Variants in CFAP73 observed in about 807,000 individuals in gnomAD.
The protein encoded by CFAP73 is cilia- and flagella-associated protein 73.
CFAP73 carries 33 observed loss-of-function variants against 42.9 expected under a neutral mutation model. That is an observed-to-expected ratio of 0.77 (90% CI 0.58 to 1.03). CFAP73 has a LOEUF of 1.03. Ranked by LOEUF, CFAP73 falls within the 50% of genes least tolerant of loss-of-function variation. The probability of loss-of-function intolerance (pLI) is 0.00; values close to 1 mark genes in which losing one functional copy is unlikely to be tolerated. For synonymous variants in CFAP73, 162 were observed against 186.8 expected, an observed-to-expected ratio of 0.87 and a Z score of 1.08; for missense variants, 392 against 411.9, an observed-to-expected ratio of 0.95 and a Z score of 0.42.
At position 113,154,351 on chromosome 12, in the gene CFAP73, G is replaced by C. The variant is rs916764167; in HGVS notation, c.469-63G>C. ...AATAATAAGGAACGCTGGCGGCCAG[G>C]TGGGATGGAGAGGGTAAGGCACTGC... On this transcript the variant is annotated intron_variant, in intron 4 of 7. Transcript: ENST00000335621. This position sits in a 1 kb window ranked among gnomAD's most constrained non-coding sequence, Gnocchi z 4.7. 5 of 1,517,426 alleles carry C rather than the reference G, an allele frequency of 3.3e-6. No homozygotes were observed. Among genetic ancestry groups the C allele is most frequent in the Non-Finnish European group, 4.5e-6 (5 of 1,122,024 alleles). The allele number at this position is 1,517,426 out of a possible 1,614,324, so 94.0% of individuals were successfully genotyped here.
chr12:113,158,307 G>A lies in CFAP73; in HGVS notation c.*12-394G>A. On this transcript the variant is annotated intron_variant, in intron 7 of 7. Coordinates refer to ENST00000335621, the MANE Select transcript of CFAP73 (RefSeq NM_001144872.3). The surrounding 1 kb of genome is among the most constrained non-coding windows in gnomAD (Gnocchi z 4.9). ...TGCAACCATGTCCAGTGGGAGGAAGGGGGACCAACTCCCGCCTCTGGCACC... is the reference window on the plus strand; with the variant it reads ...TGCAACCATGTCCAGTGGGAGGAAGAGGGACCAACTCCCGCCTCTGGCACC... 1 of 153,398 alleles carries A rather than the reference G, an allele frequency of 6.5e-6. No homozygotes were observed. Among genetic ancestry groups the A allele is most frequent in the Non-Finnish European group, 1.5e-5 (1 of 68,806 alleles). 9.5% of individuals were successfully genotyped at this position (153,398 alleles called of 1,614,324 possible).
intron 6 of CFAP73, chr12:113,156,822 T>C (rs547320720): frequency 1.3e-5 from 2 of 152,200 alleles, no homozygotes; most frequent in Non-Finnish European, 2.9e-5. Flanking sequence ...TAACCGGTTG[T>C]AATTAATTCG....
rs1328034169 is a variant in CFAP73 at position 113,155,526 on chromosome 12, C to T, written c.849+108C>T. On this transcript the variant is annotated intron_variant, in intron 6 of 7. Transcript: ENST00000335621. ...CACCTTCTCTGGGTTAAGCATGGCC[C>T]TCTACGGTCAGAGCCCTTGCCCCAG... 25 of 1,235,592 alleles carry T rather than the reference C, an allele frequency of 2.0e-5. 1 individual carries two copies. The East Asian group carries it at 6.1e-4, about 30-fold the overall frequency. The allele number at this position is 1,235,592 out of a possible 1,614,324, so 76.5% of individuals were successfully genotyped here. A position where few individuals can be genotyped will look rare whatever the true frequency, so the allele number is the denominator to read the frequency against.
chr12:113,154,640 G>C lies in CFAP73; in HGVS notation c.690+5G>C. 1 of 1,395,886 alleles carries C rather than the reference G, an allele frequency of 7.2e-7. No homozygotes were observed. The highest frequency in any genetic ancestry group is 9.2e-7 in the Non-Finnish European group (1 of 1,085,482). The allele number at this position is 1,395,886 out of a possible 1,614,324, so 86.5% of individuals were successfully genotyped here. ...AGGGAGCGTACGCTGCAGTGGGTACGACCCGCCCTAGGTGGGGGGCGCTCC... is the reference window on the plus strand; with the variant it reads ...AGGGAGCGTACGCTGCAGTGGGTACCACCCGCCCTAGGTGGGGGGCGCTCC... On this transcript the variant is annotated splice_donor_5th_base_variant and intron_variant, in intron 5 of 7. Coordinates refer to ENST00000335621, the MANE Select transcript of CFAP73 (RefSeq NM_001144872.3). This position sits in a 1 kb window ranked among gnomAD's most constrained non-coding sequence, Gnocchi z 4.7.
In CFAP73 at chr12:113,159,157, A is replaced by G; in HGVS notation, c.*468A>G. 1.3e-6 allele frequency: 2 copies of G among 1,526,624 alleles called. No individual in the cohort carries two copies. The highest frequency in any genetic ancestry group is 1.8e-6 in the Non-Finnish European group (2 of 1,135,476). The allele number at this position is 1,526,624 out of a possible 1,614,324, so 94.6% of individuals were successfully genotyped here. A position where few individuals can be genotyped will look rare whatever the true frequency, so the allele number is the denominator to read the frequency against. ...AGCTCAGCTGTTGGGATCACTCCCA[A>G]GATCCCCTCCTCCCAGAAGCTTGCA... On this transcript the variant is annotated 3_prime_UTR_variant, in exon 8 of 8. Transcript: ENST00000335621.
intron 7 of CFAP73, chr12:113,157,912 ATG>A (rs1952153286): frequency 1.8e-6 from 1 of 570,800 alleles, no homozygotes; most frequent in Non-Finnish European, 3.1e-6. Context: ...TCAAGGGGCT[ATG>A]TGTGGGGCAA....
chr12:113,153,309 C>T lies in CFAP73; in HGVS notation c.369C>T (p.Leu123=). The T allele has an allele frequency of 1.3e-6, 2 of 1,518,688 alleles. No individual in the cohort carries two copies. The highest frequency in any genetic ancestry group is 1.4e-5 in the African/African-American group (1 of 71,262). 94.1% of individuals were successfully genotyped at this position (1,518,688 alleles called of 1,614,324 possible). A position where few individuals can be genotyped will look rare whatever the true frequency, so the allele number is the denominator to read the frequency against. ...EVEALRLWTQ[L]QELRREHARL... is the part of the protein sequence containing the mutation. Reference sequence around the variant, plus strand: ...AGGCGCTGCGTCTGTGGACCCAGCTCCAGGAGCTACGGCGGGAACACGCGC... The same window carrying T: ...AGGCGCTGCGTCTGTGGACCCAGCTTCAGGAGCTACGGCGGGAACACGCGC... Residue 123 remains leucine, a synonymous_variant, in exon 4 of 8, where the codon CTC becomes CTT. Coordinates refer to ENST00000335621, the MANE Select transcript of CFAP73 (RefSeq NM_001144872.3).
In CFAP73 at chr12:113,149,891, G is replaced by GC. The variant is rs1952046979; in HGVS notation, c.35dup (p.Leu13PhefsTer14). On this transcript the variant is annotated frameshift_variant, in exon 1 of 8. Transcript: ENST00000335621. LOFTEE classifies it high-confidence loss of function. ...GCCCTGGGAGGAATATTTCCGACTG[G>GC]CTTTGCAAGAGAAACTGTCTACGTG... 1.9e-6 allele frequency: 3 copies of GC among 1,551,552 alleles called. No homozygotes were observed. The highest frequency in any genetic ancestry group is 2.6e-6 in the Non-Finnish European group (3 of 1,146,970).
Position 113,149,778 on chromosome 12 carries a change from C to A in CFAP73, c.-80C>A. The A allele has an allele frequency of 6.9e-7, 1 of 1,442,590 alleles. No individual in the cohort carries two copies. Among genetic ancestry groups the A allele is most frequent in the African/African-American group, 1.4e-5 (1 of 71,062 alleles). 89.4% of individuals were successfully genotyped at this position (1,442,590 alleles called of 1,614,324 possible). A position where few individuals can be genotyped will look rare whatever the true frequency, so the allele number is the denominator to read the frequency against. ...GAGCTGAGCAGGCTTCCACACCACG[C>A]TCCACAGAACCCCCAGGGTCTCCTA... On this transcript the variant is annotated 5_prime_UTR_variant, in exon 1 of 8. Coordinates refer to ENST00000335621, the MANE Select transcript of CFAP73 (RefSeq NM_001144872.3).
Position 113,157,592 on chromosome 12 carries a change from G to C in CFAP73, c.850-10G>C, listed in dbSNP as rs1203416326. The C allele has an allele frequency of 1.8e-5, 28 of 1,550,918 alleles. No individual in the cohort carries two copies. The highest frequency in any genetic ancestry group is 2.4e-5 in the Non-Finnish European group (28 of 1,146,602). On this transcript the variant is annotated splice_polypyrimidine_tract_variant and intron_variant, in intron 6 of 7. Transcript: ENST00000335621. ...GGGCTGGGATGTGACTTCGTGCTGG[G>C]CCCCCCCAGGTGAAGCTGTTCATGC...
chr12:113,159,050 T>C lies in CFAP73; in HGVS notation c.*361T>C. 1 of 1,611,050 alleles carries C rather than the reference T, an allele frequency of 6.2e-7. No homozygotes were observed. Among genetic ancestry groups the C allele is most frequent in the Non-Finnish European group, 8.5e-7 (1 of 1,178,998 alleles). On this transcript the variant is annotated 3_prime_UTR_variant, in exon 8 of 8. Transcript: ENST00000335621. ...CGCTGCTTCAGGATCTGCTGCTTGG[T>C]CTTGAGTTCCGGGCGGACTCGGCCT...
Position 113,149,838 on chromosome 12 carries a change from C to G in CFAP73, c.-20C>G. ...AAAACTCCAGCTGGTGGAAAGAAAG[C>G]TGGGGCAACTGCCAGAAGGATGGCG... On this transcript the variant is annotated 5_prime_UTR_variant, in exon 1 of 8. Transcript: ENST00000335621. The G allele has an allele frequency of 6.4e-7, 1 of 1,551,274 alleles. No individual in the cohort carries two copies. The highest frequency in any genetic ancestry group is 8.7e-7 in the Non-Finnish European group (1 of 1,146,740).
chr12:113,155,536 A>G, intron 6 of CFAP73, 118 bp downstream of exon 6: 2 of 1,141,252 alleles, frequency 1.8e-6, no homozygotes, highest in South Asian at 3.7e-5. Flanking sequence ...CTCTACGGTC[A>G]GAGCCCTTGC....
chr12:113,150,641 T>A (rs1015308367), intron 1 of CFAP73, among the ~76,000 whole-genome samples: 1 of 152,128 alleles, frequency 6.6e-6, no homozygotes, highest in Non-Finnish European at 1.5e-5. Flanking sequence ...GAATATCCCG[T>A]GGCCCCACCA....
rs1592989440 is a variant in CFAP73 at position 113,152,826 on chromosome 12, A to G, written c.206A>G (p.Gln69Arg). ...KTAALKQRWE[Q>R]LEQKERELKG... ...GCAGCCCTGAAACAGCGTTGGGAAC[A>G]GCTGGAACAAAAGGAGCGGGAGCTA... Residue 69 changes from glutamine to arginine, a missense_variant, in exon 3 of 8, where the codon CAG becomes CGG. By Grantham distance (43) the Gln-to-Arg change is conservative (BLOSUM62 1). Transcript: ENST00000335621. The G allele has an allele frequency of 6.4e-7, 1 of 1,551,730 alleles. No individual in the cohort carries two copies. Among genetic ancestry groups the G allele is most frequent in the Middle Eastern group, 1.7e-4 (1 of 5,992 alleles).
chr12:113,154,344 C>A lies in CFAP73; in HGVS notation c.469-70C>A. On this transcript the variant is annotated intron_variant, in intron 4 of 7. Coordinates refer to ENST00000335621, the MANE Select transcript of CFAP73 (RefSeq NM_001144872.3). This position sits in a 1 kb window ranked among gnomAD's most constrained non-coding sequence, Gnocchi z 4.7. ...TTATTCCAATAATAAGGAACGCTGGCGGCCAGGTGGGATGGAGAGGGTAAG... is the reference window on the plus strand; with the variant it reads ...TTATTCCAATAATAAGGAACGCTGGAGGCCAGGTGGGATGGAGAGGGTAAG... The A allele has an allele frequency of 6.7e-7, 1 of 1,487,280 alleles. No individual in the cohort carries two copies. Among genetic ancestry groups the A allele is most frequent in the Non-Finnish European group, 9.1e-7 (1 of 1,097,826 alleles). The allele number at this position is 1,487,280 out of a possible 1,614,324, so 92.1% of individuals were successfully genotyped here. A position where few individuals can be genotyped will look rare whatever the true frequency, so the allele number is the denominator to read the frequency against.
At chr12:113,156,219 G>C (rs1005680968) in intron 6 of CFAP73, among the ~76,000 whole-genome samples, 2 of 151,892 alleles carry the variant, frequency 1.3e-5, no homozygotes, top group African/African-American at 4.8e-5. Context: ...CACACCCAGC[G>C]TGACATAGGT....
chr12:113,153,268 G>T lies in CFAP73; in HGVS notation c.328G>T (p.Gly110Cys). Residue 110 changes from glycine (G) to cysteine (C), a missense_variant, in exon 4 of 8, where the codon GGC becomes TGC. Gly to Cys is a radical substitution (Grantham distance 159, BLOSUM62 -3). Coordinates refer to ENST00000335621, the MANE Select transcript of CFAP73 (RefSeq NM_001144872.3). ...RRAAEERHQAGRREVEALRLW... is the reference protein window; with the variant it reads ...RRAAEERHQACRREVEALRLW... Reference sequence around the variant, plus strand: ...GGCGGCGGAGGAGAGGCACCAGGCGGGCCGTCGGGAGGTGGAGGCGCTGCG... The same window carrying T: ...GGCGGCGGAGGAGAGGCACCAGGCGTGCCGTCGGGAGGTGGAGGCGCTGCG... 1 of 1,518,180 alleles carries T rather than the reference G, an allele frequency of 6.6e-7. No individual in the cohort carries two copies. Among genetic ancestry groups the T allele is most frequent in the Non-Finnish European group, 8.8e-7 (1 of 1,139,508 alleles). The allele number at this position is 1,518,180 out of a possible 1,614,324, so 94.0% of individuals were successfully genotyped here.
intron 4 of CFAP73, 60 bp downstream of exon 4, chr12:113,153,468 G>A (rs762278304): frequency 1.2e-4 from 156 of 1,287,704 alleles, no homozygotes; most frequent in Non-Finnish European, 9.4e-5. Context: ...AGTGGCTCAG[G>A]GACGGCTTCG....
Sources: allele counts gnomAD v4.1 joint callset (sites outside exome capture counted in the v4.1 genomes callset), GRCh38; gene constraint gnomAD v4.1.1; non-coding constraint Gnocchi (gnomAD v3.1); transcripts MANE v1.5; gene names NCBI Gene and HGNC (gene_info 2026-07-23, HGNC 2026-07-21).